The following SLC12A8 variants were observed in gnomAD, a reference collection of about 807,000 sequenced individuals.
SLC12A8 encodes cation-chloride cotransporter 9.
SLC12A8 carries 69 observed loss-of-function variants against 75.6 expected under a neutral mutation model. The observed-to-expected ratio is 0.91, with a 90% CI of 0.75 to 1.11. SLC12A8 has a LOEUF of 1.11. Ranked by LOEUF, SLC12A8 falls within the 50% of genes most tolerant of loss-of-function variation. SLC12A8 has a pLI of 0.00. For synonymous variants in SLC12A8, 365 were observed against 372.8 expected, an observed-to-expected ratio of 0.98 and a Z score of 0.24; for missense variants, 877 against 896.7, an observed-to-expected ratio of 0.98 and a Z score of 0.28.
At chr3:125,149,196 G>A (rs1171774654) in intron 5 of SLC12A8, among the ~76,000 whole-genome samples, 5 of 152,230 alleles carry the variant, frequency 3.3e-5, no homozygotes, top group African/African-American at 1.2e-4. Context: ...AGCAGACTCG[G>A]GGGTCGAAGC....
intron 2 of SLC12A8, among the ~76,000 whole-genome samples, chr3:125,199,143 AC>A (rs938277218): frequency 1.3e-5 from 2 of 152,232 alleles, no homozygotes; most frequent in Non-Finnish European, 2.9e-5. Context: ...AGGTAAAAAA[AC>A]ATTCTTGTTC....
At chr3:125,144,818 C>T (rs920749344) in intron 5 of SLC12A8, among the ~76,000 whole-genome samples, 4 of 152,286 alleles carry the variant, frequency 2.6e-5, no homozygotes, top group African/African-American at 9.6e-5. Flanking sequence ...GCCAGGCAGG[C>T]AGCTGAGACG....
At chr3:125,145,585 C>T (rs765806183) in intron 5 of SLC12A8, among the ~76,000 whole-genome samples, 1 of 152,170 alleles carries the variant, frequency 6.6e-6, no homozygotes, top group Non-Finnish European at 1.5e-5. Flanking sequence ...CTTACAGTAG[C>T]TCCCCTTTAT....
rs959451369 is a variant in SLC12A8 at position 125,172,049 on chromosome 3, G to A, written c.622+5694C>T. On this transcript the variant is annotated intron_variant, in intron 5 of 13. Transcript: ENST00000469902. ...AGCACTTTGGGAGACAGAGGCAGGC[G>A]GATCACCTGAGTTCAGGAGTTCAAG... 7.6e-4 allele frequency among the ~76,000 whole-genome samples: 116 copies of A among 152,040 alleles called. 1 individual carries two copies. The highest frequency in any genetic ancestry group is 2.1e-4 in the Non-Finnish European group (14 of 68,018).
intron 8 of SLC12A8, among the ~76,000 whole-genome samples, chr3:125,112,943 G>A (rs1031669831): frequency 6.6e-6 from 1 of 152,184 alleles, no homozygotes; most frequent in Admixed American, 6.5e-5. Context: ...TGTAGCCACT[G>A]CATTCTCCCC....
At chr3:125,208,546 T>C (rs1274803588) in intron 2 of SLC12A8, among the ~76,000 whole-genome samples, 1 of 152,074 alleles carries the variant, frequency 6.6e-6, no homozygotes, top group Non-Finnish European at 1.5e-5. Context: ...TTGTCTTCAT[T>C]CTCTATGGTA....
intron 5 of SLC12A8, among the ~76,000 whole-genome samples, chr3:125,144,475 GC>G (rs1933724124): frequency 6.6e-6 from 1 of 152,116 alleles, no homozygotes; most frequent in Admixed American, 6.5e-5. Context: ...AGCCCACAGA[GC>G]CCCCACTAGC....
chr3:125,175,705 G>A (rs890938077), intron 5 of SLC12A8, among the ~76,000 whole-genome samples: 8 of 151,028 alleles, frequency 5.3e-5, no homozygotes, highest in Non-Finnish European at 1.2e-4. Flanking sequence ...CCAAAGGCCA[G>A]CAAGTCTCCC....
Position 125,186,355 on chromosome 3 carries a change from A to T in SLC12A8, c.390+882T>A, listed in dbSNP as rs558735956. Among the ~76,000 whole-genome samples, 3 of 152,260 alleles carry T rather than the reference A, an allele frequency of 2.0e-5. No homozygotes were observed. In the South Asian group the frequency reaches 6.2e-4, roughly 32 times the overall value. On this transcript the variant is annotated intron_variant, in intron 4 of 13. Transcript: ENST00000469902. Reference sequence around the variant, plus strand: ...ACCCCCACCGCCCACACATGCACACACGCAGCTCTGTGCTGTTCGAGAATC... The same window carrying T: ...ACCCCCACCGCCCACACATGCACACTCGCAGCTCTGTGCTGTTCGAGAATC...
At chr3:125,086,786 A>G (rs1410667321) in intron 13 of SLC12A8, among the ~76,000 whole-genome samples, 1 of 152,218 alleles carries the variant, frequency 6.6e-6, no homozygotes, top group African/African-American at 2.4e-5. Flanking sequence ...CCAAGTAAGC[A>G]GATGACAGGG....
At chr3:125,160,671 G>A (rs1438573453) in intron 5 of SLC12A8, among the ~76,000 whole-genome samples, 4 of 152,174 alleles carry the variant, frequency 2.6e-5, no homozygotes, top group Non-Finnish European at 5.9e-5. Flanking sequence ...ATTAAGACAT[G>A]GATCCCTAAA....
intron 6 of SLC12A8, among the ~76,000 whole-genome samples, chr3:125,132,107 C>G (rs180766733): frequency 1.6e-4 from 24 of 152,282 alleles, no homozygotes; most frequent in Non-Finnish European, 1.0e-4. Context: ...GCAGAGCCCC[C>G]CAAACATGTC....
chr3:125,168,056 G>A (rs1299497950), intron 5 of SLC12A8, among the ~76,000 whole-genome samples: 2 of 152,172 alleles, frequency 1.3e-5, no homozygotes, highest in Non-Finnish European at 2.9e-5. Context: ...GGTGTCAGTC[G>A]CCCTTAGGAA....
chr3:125,110,942 A>G (rs925469293), intron 8 of SLC12A8, among the ~76,000 whole-genome samples: 4 of 152,156 alleles, frequency 2.6e-5, no homozygotes, highest in African/African-American at 7.2e-5. Flanking sequence ...TCTGATCAGC[A>G]TGATTTTTCT....
At chr3:125,187,495 G>A in intron 3 of SLC12A8, 67 bp from the exon 4 acceptor site, 5 of 1,451,450 alleles carry the variant, frequency 3.4e-6, no homozygotes, top group Non-Finnish European at 4.8e-6. Context: ...CCTGCTGGGG[G>A]CATTGACCAC....
chr3:125,084,336 G>A (rs757604349), intron 13 of SLC12A8, among the ~76,000 whole-genome samples: 9 of 151,942 alleles, frequency 5.9e-5, no homozygotes, highest in Non-Finnish European at 1.0e-4. Flanking sequence ...AACAAAGAGA[G>A]GTTTTGCCCT....
At chr3:125,136,863 T>C (rs1490293215) in intron 5 of SLC12A8, among the ~76,000 whole-genome samples, 1 of 152,202 alleles carries the variant, frequency 6.6e-6, no homozygotes, top group Non-Finnish European at 1.5e-5. Context: ...GGCTGTGGAA[T>C]TTTAAGACAC....
chr3:125,176,036 A>G (rs1049554751), intron 5 of SLC12A8, among the ~76,000 whole-genome samples: 2 of 151,732 alleles, frequency 1.3e-5, no homozygotes, highest in Admixed American at 6.6e-5. Context: ...AGGCCAGATC[A>G]GTGGATGCCA....
At chr3:125,137,264 A>T (rs1233699713) in intron 5 of SLC12A8, among the ~76,000 whole-genome samples, 1 of 152,204 alleles carries the variant, frequency 6.6e-6, no homozygotes, top group Non-Finnish European at 1.5e-5. Context: ...AATCTCAGGG[A>T]AGCACAAGGG....
Sources: allele counts gnomAD v4.1 joint callset (sites outside exome capture counted in the v4.1 genomes callset), GRCh38; gene constraint gnomAD v4.1.1; transcripts MANE v1.5; gene names NCBI Gene and HGNC (gene_info 2026-07-23, HGNC 2026-07-21).